Variants in TIGAR observed in about 807,000 individuals in gnomAD.
TIGAR encodes the protein fructose-2,6-bisphosphatase TIGAR.
Under a neutral mutation model 17.9 loss-of-function variants are expected in TIGAR, and 7 were observed. That is an observed-to-expected ratio of 0.39 (90% CI 0.22 to 0.73). TIGAR has a LOEUF of 0.73. TIGAR is among the 30% of genes least tolerant of loss of function. The pLI is 0.42. For synonymous variants in TIGAR, 94 were observed against 108.6 expected, an observed-to-expected ratio of 0.87 and a Z score of 0.84; for missense variants, 258 against 327.4, an observed-to-expected ratio of 0.79 and a Z score of 1.64.
In TIGAR at chr12:4,337,110, A is replaced by C. The variant is rs756491476; in HGVS notation, c.142A>C (p.Asn48His). ...AGCAGCTGCTGGTATATTTCTGAAT[A>C]ATGTGAAGTTTACTCATGCTTTCTC... is the stretch of plus-strand genomic sequence containing the variant. ...QAAAAGIFLN[N>H]VKFTHAFSSD... Residue 48 changes from asparagine to histidine, a missense_variant, in exon 3 of 6, where the codon AAT (asparagine) becomes CAT (histidine). Physicochemically the swap from Asn to His is moderately conservative, Grantham distance 68 (BLOSUM62 1). Transcript: ENST00000179259. The C allele has an allele frequency of 5.6e-6, 9 of 1,613,690 alleles. No individual in the cohort carries two copies. The highest frequency in any genetic ancestry group is 7.6e-6 in the Non-Finnish European group (9 of 1,179,576).
At chr12:4,329,103 C>T (rs903106740) in intron 1 of TIGAR, among the ~76,000 whole-genome samples, 1 of 151,822 alleles carries the variant, frequency 6.6e-6, no homozygotes, top group Non-Finnish European at 1.5e-5. Context: ...TACTCTATAC[C>T]CTGCTTTTTC....
chr12:4,351,389 T>G lies in TIGAR; in HGVS notation c.381+12T>G. The G allele has an allele frequency of 6.2e-7, 1 of 1,607,904 alleles. No individual in the cohort carries two copies. The highest frequency in any genetic ancestry group is 8.5e-7 in the Non-Finnish European group (1 of 1,174,726). ...AGACGCTGGACCAGGTATGTGGCGCTGCCGATGTCAGAATGGTTGAATTAA... is the reference window on the plus strand; with the variant it reads ...AGACGCTGGACCAGGTATGTGGCGCGGCCGATGTCAGAATGGTTGAATTAA... On this transcript the variant is annotated intron_variant, in intron 5 of 5. Transcript: ENST00000179259.
At chr12:4,329,717 A>C (rs1314710556) in intron 1 of TIGAR, among the ~76,000 whole-genome samples, 3 of 152,166 alleles carry the variant, frequency 2.0e-5, no homozygotes, top group African/African-American at 7.2e-5. Context: ...CAGATTTGTC[A>C]TTTTGATAGG....
intron 3 of TIGAR, among the ~76,000 whole-genome samples, chr12:4,338,147 AT>A (rs10711421): frequency 0.86 from 130,422 of 152,126 alleles, 56,042 homozygotes; most frequent in East Asian, 0.98. Context: ...AAAAAGTAAA[AT>A]TAAAAACGAA....
At chr12:4,322,975 T>C (rs1012862127) in intron 1 of TIGAR, among the ~76,000 whole-genome samples, 1 of 152,066 alleles carries the variant, frequency 6.6e-6, no homozygotes, top group Non-Finnish European at 1.5e-5. Context: ...ATATTTATAA[T>C]TGAAACTCAG....
At chr12:4,344,516 G>C (rs1315110743) in intron 3 of TIGAR, among the ~76,000 whole-genome samples, 1 of 152,174 alleles carries the variant, frequency 6.6e-6, no homozygotes, top group Non-Finnish European at 1.5e-5. Flanking sequence ...GCAACAAAAA[G>C]CTTATCCACC....
intron 3 of TIGAR, 61 bp from the exon 4 acceptor site, chr12:4,349,758 G>T: frequency 7.5e-7 from 1 of 1,341,174 alleles, no homozygotes. Flanking sequence ...GATTCTTTCA[G>T]TGCTTCCACC....
intron 3 of TIGAR, among the ~76,000 whole-genome samples, chr12:4,340,828 G>T (rs752618876): frequency 1.7e-4 from 26 of 152,168 alleles, no homozygotes; most frequent in African/African-American, 2.4e-4. Flanking sequence ...TGGAAAACTG[G>T]ATATCCATAT....
intron 1 of TIGAR, among the ~76,000 whole-genome samples, chr12:4,327,466 A>G (rs10774223): frequency 0.3 from 45,181 of 151,510 alleles, 7,278 homozygotes; most frequent in East Asian, 0.59. Context: ...GCCTGATTGG[A>G]TACAGCTCTG....
intron 4 of TIGAR, among the ~76,000 whole-genome samples, chr12:4,350,332 T>A (rs890350955): frequency 7.9e-5 from 12 of 152,246 alleles, no homozygotes; most frequent in Non-Finnish European, 1.3e-4. Flanking sequence ...TGTACTTTTT[T>A]AAAGGCATTT....
In TIGAR at chr12:4,321,383, C is replaced by T. The variant is rs1468457023; in HGVS notation, c.32+80C>T. On this transcript the variant is annotated intron_variant, in intron 1 of 5. Coordinates refer to ENST00000179259, the MANE Select transcript of TIGAR (RefSeq NM_020375.3). The surrounding 1 kb of genome is among the most constrained non-coding windows in gnomAD (Gnocchi z 5.2). Reference sequence around the variant, plus strand: ...AGCGGGTGAAGGGAAAACGGGTCCACCACCCTCTCCCCTCCCTGCTCGCTC... The same window carrying T: ...AGCGGGTGAAGGGAAAACGGGTCCATCACCCTCTCCCCTCCCTGCTCGCTC... 6.4e-7 allele frequency: 1 copy of T among 1,568,514 alleles called. No homozygotes were observed. The highest frequency in any genetic ancestry group is 1.4e-5 in the African/African-American group (1 of 73,794).
rs1247128054 is a variant in TIGAR at position 4,356,913 on chromosome 12, C to CT, written c.*4223dup. ...GAAACCATGGCTCCCATTCACCTGTCTCTTATTTTCCTGTCCTTCCCACTC... is the reference window on the plus strand; with the variant it reads ...GAAACCATGGCTCCCATTCACCTGTCTTCTTATTTTCCTGTCCTTCCCACTC... On this transcript the variant is annotated 3_prime_UTR_variant, in exon 6 of 6. Coordinates refer to ENST00000179259, the MANE Select transcript of TIGAR (RefSeq NM_020375.3). Among the ~76,000 whole-genome samples the CT allele has an allele frequency of 1.3e-5, 2 of 152,218 alleles. No individual in the cohort carries two copies. The highest frequency in any genetic ancestry group is 4.8e-5 in the African/African-American group (2 of 41,456).
In TIGAR at chr12:4,355,191, A is replaced by G. The variant is rs947703820; in HGVS notation, c.*2500A>G. On this transcript the variant is annotated 3_prime_UTR_variant, in exon 6 of 6. Coordinates refer to ENST00000179259, the MANE Select transcript of TIGAR (RefSeq NM_020375.3). The stretch of plus-strand genomic sequence containing the variant: ...GTTTTTGAGAACTTCTGAATGTCAA[A>G]TCTTGAAATTGAAATTTGCTTTTTA... Among the ~76,000 whole-genome samples the G allele has an allele frequency of 4.6e-5, 7 of 152,088 alleles. No individual in the cohort carries two copies. Among genetic ancestry groups the G allele is most frequent in the African/African-American group, 1.7e-4 (7 of 41,412 alleles).
Position 4,321,414 on chromosome 12 carries a change from C to G in TIGAR, c.32+111C>G, listed in dbSNP as rs1206383602. ...TCTCCCCTCCCTGCTCGCTCCAGCC[C>G]GGGAGGGCTGGCTTGGAAGCGCTTT... is the stretch of plus-strand genomic sequence containing the variant. On this transcript the variant is annotated intron_variant, in intron 1 of 5. Coordinates refer to ENST00000179259, the MANE Select transcript of TIGAR (RefSeq NM_020375.3). The surrounding 1 kb of genome is among the most constrained non-coding windows in gnomAD (Gnocchi z 5.2). 3 of 1,497,264 alleles carry G rather than the reference C, an allele frequency of 2.0e-6. No homozygotes were observed. The highest frequency in any genetic ancestry group is 1.7e-4 in the Middle Eastern group (1 of 5,760). The allele number at this position is 1,497,264 out of a possible 1,614,324, so 92.7% of individuals were successfully genotyped here. A position where few individuals can be genotyped will look rare whatever the true frequency, so the allele number is the denominator to read the frequency against.
intron 1 of TIGAR, chr12:4,324,722 A>G (rs1864521699): frequency 5.9e-6 from 4 of 674,852 alleles, no homozygotes; most frequent in African/African-American, 6.8e-5. Flanking sequence ...AGCTGCTCGC[A>G]GGACACGTCC....
chr12:4,352,693 G>T lies in TIGAR; in HGVS notation c.*2G>T. 6.3e-7 allele frequency: 1 copy of T among 1,594,666 alleles called. No homozygotes were observed. Reference sequence around the variant, plus strand: ...AATGGACTGACTGAAACTCGCTAAGGTTAAATCTGCATCAAAATCTAACCA... The same window carrying T: ...AATGGACTGACTGAAACTCGCTAAGTTTAAATCTGCATCAAAATCTAACCA... On this transcript the variant is annotated 3_prime_UTR_variant, in exon 6 of 6. Coordinates refer to ENST00000179259, the MANE Select transcript of TIGAR (RefSeq NM_020375.3).
rs1306248344 is a variant in TIGAR, at chr12:4,356,985, T to C, written c.*4294T>C. On this transcript the variant is annotated 3_prime_UTR_variant, in exon 6 of 6. Coordinates refer to ENST00000179259, the MANE Select transcript of TIGAR (RefSeq NM_020375.3). ...TCCATTTTTGGATGAGGATTCTCCT[T>C]TATTGCTTTTTAACTAAAAACCTGT... 1.3e-5 allele frequency among the ~76,000 whole-genome samples: 2 copies of C among 152,240 alleles called. No homozygotes were observed. Among genetic ancestry groups the C allele is most frequent in the African/African-American group, 4.8e-5 (2 of 41,464 alleles).
At position 4,358,606 on chromosome 12, in the gene TIGAR, T is replaced by G. The variant is rs564274823; in HGVS notation, c.*5915T>G. Among the ~76,000 whole-genome samples the G allele has an allele frequency of 6.6e-6, 1 of 151,094 alleles. No homozygotes were observed. The highest frequency in any genetic ancestry group is 6.6e-5 in the Admixed American group (1 of 15,164). On this transcript the variant is annotated 3_prime_UTR_variant, in exon 6 of 6. Coordinates refer to ENST00000179259, the MANE Select transcript of TIGAR (RefSeq NM_020375.3). Reference sequence around the variant, plus strand: ...TGTGTGTTTCCTGAGATCAACAATGTTCTTATATATAACCCAGAATAAATA... The same window carrying G: ...TGTGTGTTTCCTGAGATCAACAATGGTCTTATATATAACCCAGAATAAATA...
chr12:4,351,065 T>G (rs999232457), intron 4 of TIGAR, among the ~76,000 whole-genome samples: 15 of 152,192 alleles, frequency 9.9e-5, no homozygotes, highest in African/African-American at 3.4e-4. Flanking sequence ...AGTGTACAAC[T>G]TAAGATTTCA....
Sources: gnomAD v4.1 joint callset for allele counts (sites outside exome capture counted in the v4.1 genomes callset) on GRCh38, gnomAD v4.1.1 for gene constraint, Gnocchi (gnomAD v3.1) non-coding constraint, MANE v1.5 for transcripts, NCBI Gene and HGNC (gene_info 2026-07-23, HGNC 2026-07-21) for gene names.